ZSCAN25: variants seen among roughly 807,000 people sequenced by gnomAD.
The protein encoded by ZSCAN25 is zinc finger and SCAN domain containing 25, also known as zinc finger and SCAN domain-containing protein 25.
ZSCAN25 carries 27 observed loss-of-function variants against 38.7 expected under a neutral mutation model. The observed-to-expected ratio is 0.70, with a 90% CI of 0.51 to 0.96. The LOEUF is 0.96. ZSCAN25 is among the 40% of genes least tolerant of loss of function. The pLI, the probability that ZSCAN25 is intolerant of heterozygous loss-of-function variation, is 0.00. For missense variants in ZSCAN25, 637 were observed against 705.9 expected, an observed-to-expected ratio of 0.90 and a Z score of 1.11; for synonymous variants, 273 against 277.7, an observed-to-expected ratio of 0.98 and a Z score of 0.17.
At chr7:99,636,474 C>T (rs958329457), downstream of ZSCAN25, among the ~76,000 whole-genome samples, 2 of 152,174 alleles carry the variant, frequency 1.3e-5, no homozygotes, top group Non-Finnish European at 2.9e-5. Flanking sequence ...ACTTCTCATA[C>T]GTCTTTGGTA....
In ZSCAN25 at chr7:99,630,909, C is replaced by G. The variant is rs1455337277; in HGVS notation, c.*889C>G. The stretch of plus-strand genomic sequence containing the variant: ...TTAAAATGAGTCTGAAAGATGAACT[C>G]TAGTATTAATGCCCTATATTTGATG... On this transcript the variant is annotated 3_prime_UTR_variant, in exon 8 of 8. Transcript: ENST00000394152. 1.0e-6 allele frequency: 1 copy of G among 978,988 alleles called. No homozygotes were observed. The highest frequency in any genetic ancestry group is 1.8e-5 in the African/African-American group (1 of 57,108). 60.6% of individuals were successfully genotyped at this position (978,988 alleles called of 1,614,324 possible). A position where few individuals can be genotyped will look rare whatever the true frequency, so the allele number is the denominator to read the frequency against.
chr7:99,672,911 A>G, the ZSCAN25 span: 1 of 1,341,468 alleles, frequency 7.5e-7, no homozygotes, highest in Non-Finnish European at 9.5e-7. Context: ...AACAGGGAAG[A>G]GATATTGAAA....
chr7:99,629,410 G>T lies in ZSCAN25; in HGVS notation c.1025G>T (p.Ser342Ile). 6.2e-7 allele frequency: 1 copy of T among 1,614,210 alleles called. No individual in the cohort carries two copies. The highest frequency in any genetic ancestry group is 1.3e-5 in the African/African-American group (1 of 75,064). ...IPLPDEVKTH[S>I]SFWKPFQCPE... The stretch of plus-strand genomic sequence containing the variant: ...CTGCCTGACGAAGTCAAAACCCACA[G>T]CTCCTTCTGGAAGCCTTTCCAGTGC... The change falls in exon 8 of 8, where the codon AGC (serine) becomes ATC (isoleucine). Residue 342 changes from serine (S) to isoleucine (I), a missense_variant. Ser to Ile is a moderately radical substitution (Grantham distance 142). Transcript: ENST00000394152. The surrounding 1 kb of genome is among the most constrained non-coding windows in gnomAD (Gnocchi z 5.6).
chr7:99,652,526 G>T, the ZSCAN25 span: 1 of 1,531,266 alleles, frequency 6.5e-7, no homozygotes, highest in Non-Finnish European at 8.9e-7. Context: ...GGGTCAGGGT[G>T]AGCTCCATTT....
chr7:99,711,422 A>G, the ZSCAN25 span, among the ~76,000 whole-genome samples: 1 of 152,162 alleles, frequency 6.6e-6, no homozygotes, highest in Non-Finnish European at 1.5e-5. Flanking sequence ...AATACAGACC[A>G]CCTCTTGCTA....
At chr7:99,663,378 G>T in the ZSCAN25 span, 2 of 991,222 alleles carry the variant, frequency 2.0e-6, no homozygotes, top group Non-Finnish European at 2.4e-6. Context: ...TGGGTTACCT[G>T]GTCCTGTCTC....
chr7:99,650,024 C>T, the ZSCAN25 span: 3 of 1,600,072 alleles, frequency 1.9e-6, no homozygotes, highest in Non-Finnish European at 2.6e-6. Flanking sequence ...AAAATATATA[C>T]CCTTCAGTTA....
At chr7:99,638,882 A>G in the ZSCAN25 span, 1,131 of 574,016 alleles carry the variant, frequency 2.0e-3, 11 homozygotes, top group African/African-American at 0.019. Flanking sequence ...CCTGCCTGGG[A>G]GTTGTCTCCT....
Position 99,631,934 on chromosome 7 carries a change from A to G in ZSCAN25, c.*1914A>G, listed in dbSNP as rs936474484. ...TTATCAGAGCAGCTAGGCAGGGCTG[A>G]CAGCCAGGCAGACTCAGTGGGAGGC... On this transcript the variant is annotated 3_prime_UTR_variant, in exon 8 of 8. Coordinates refer to ENST00000394152, the MANE Select transcript of ZSCAN25 (RefSeq NM_145115.3). The G allele has an allele frequency of 5.1e-6, 5 of 985,364 alleles. No individual in the cohort carries two copies. Among genetic ancestry groups the G allele is most frequent in the Non-Finnish European group, 6.0e-6 (5 of 829,970 alleles). The allele number at this position is 985,364 out of a possible 1,614,324, so 61.0% of individuals were successfully genotyped here.
intron 4 of ZSCAN25, 185 bp from the exon 5 acceptor site, chr7:99,621,188 A>G (rs1806924871): frequency 4.5e-6 from 2 of 447,920 alleles, no homozygotes; most frequent in African/African-American, 2.0e-5. Flanking sequence ...GGCCTGATGC[A>G]TGAGTTTAGC....
At position 99,629,253 on chromosome 7, in the gene ZSCAN25, G is replaced by A. The variant is rs1430392140; in HGVS notation, c.868G>A (p.Ala290Thr). 1.9e-6 allele frequency: 3 copies of A among 1,614,088 alleles called. No homozygotes were observed. Among genetic ancestry groups the A allele is most frequent in the Admixed American group, 3.3e-5 (2 of 60,014 alleles). The change falls in exon 8 of 8, where the codon GCA becomes ACA. Residue 290 changes from alanine to threonine, a missense_variant. Coordinates refer to ENST00000394152, the MANE Select transcript of ZSCAN25 (RefSeq NM_145115.3). The surrounding 1 kb of genome is among the most constrained non-coding windows in gnomAD (Gnocchi z 5.6). ...GGAAGACCTGAAAGGGGCGCTGGTGGCACTGACATCAGAGAGGTTTGGGGA... is the reference window on the plus strand; with the variant it reads ...GGAAGACCTGAAAGGGGCGCTGGTGACACTGACATCAGAGAGGTTTGGGGA... Reference protein sequence around the residue: ...PQEDLKGALVALTSERFGEAS... With the variant: ...PQEDLKGALVTLTSERFGEAS...
At chr7:99,731,185 A>T in the ZSCAN25 span, 1,650 of 1,612,700 alleles carry the variant, frequency 1.0e-3, 8 homozygotes, top group African/African-American at 0.015. Context: ...GGTCTCAGGG[A>T]TTGTGACTTT....
intron 6 of ZSCAN25, among the ~76,000 whole-genome samples, chr7:99,623,191 G>A (rs930412096): frequency 6.6e-6 from 1 of 152,292 alleles, no homozygotes; most frequent in East Asian, 1.9e-4. Context: ...AACCCTTTGT[G>A]GGTGCCGTTT....
At position 99,631,753 on chromosome 7, in the gene ZSCAN25, G is replaced by GC; in HGVS notation, c.*1734dup. Reference sequence around the variant, plus strand: ...CAGCATGGTGTCTAATTTTGGCTTAGCAAATGACGCTCCTTGGTCTTCCTG... The same window carrying GC: ...CAGCATGGTGTCTAATTTTGGCTTAGCCAAATGACGCTCCTTGGTCTTCCTG... On this transcript the variant is annotated 3_prime_UTR_variant, in exon 8 of 8. Coordinates refer to ENST00000394152, the MANE Select transcript of ZSCAN25 (RefSeq NM_145115.3). 1.0e-6 allele frequency: 1 copy of GC among 985,386 alleles called. No individual in the cohort carries two copies. The highest frequency in any genetic ancestry group is 1.2e-6 in the Non-Finnish European group (1 of 829,942). The allele number at this position is 985,386 out of a possible 1,614,324, so 61.0% of individuals were successfully genotyped here. A position where few individuals can be genotyped will look rare whatever the true frequency, so the allele number is the denominator to read the frequency against.
the ZSCAN25 span, among the ~76,000 whole-genome samples, chr7:99,641,721 C>T: frequency 6.6e-6 from 1 of 152,174 alleles, no homozygotes; most frequent in African/African-American, 2.4e-5. Flanking sequence ...CTAGATGTCA[C>T]TCTCTTATAC....
chr7:99,664,235 C>A, the ZSCAN25 span: 1 of 810,194 alleles, frequency 1.2e-6, no homozygotes, highest in South Asian at 1.7e-5. Flanking sequence ...ATCATGTTTG[C>A]CCTTCTTTCA....
At chr7:99,621,665 A>C (rs774673280) in intron 5 of ZSCAN25, 91 bp downstream of exon 5, 19 of 1,078,886 alleles carry the variant, frequency 1.8e-5, no homozygotes, top group Non-Finnish European at 2.3e-5. Flanking sequence ...TGGAGCAACT[A>C]AGTTACCCAC....
chr7:99,678,382 T>A, the ZSCAN25 span, among the ~76,000 whole-genome samples: 1 of 152,224 alleles, frequency 6.6e-6, no homozygotes, highest in Admixed American at 6.5e-5. Flanking sequence ...GCCTTTGCTA[T>A]CGTCACTGGC....
At chr7:99,724,645 C>T in the ZSCAN25 span, among the ~76,000 whole-genome samples, 1 of 152,032 alleles carries the variant, frequency 6.6e-6, no homozygotes, top group African/African-American at 2.4e-5. Flanking sequence ...AGAAGTATCA[C>T]CTCCCCTCCT....
Sources: gnomAD v4.1 joint callset for allele counts (sites outside exome capture counted in the v4.1 genomes callset) on GRCh38, gnomAD v4.1.1 for gene constraint, Gnocchi (gnomAD v3.1) non-coding constraint, MANE v1.5 for transcripts, NCBI Gene and HGNC (gene_info 2026-07-23, HGNC 2026-07-21) for gene names.